The following CBL variants were observed in gnomAD, a reference collection of about 807,000 sequenced individuals.
CBL encodes the protein E3 ubiquitin-protein ligase CBL.
In CBL, 45 loss-of-function variants were observed where a neutral mutation model predicts 96.9. The observed-to-expected ratio is 0.46, with a 90% confidence interval of 0.37 to 0.60. CBL has a LOEUF of 0.60. Among genes scored for constraint, CBL ranks in the 20% least tolerant of loss-of-function variants. CBL has a pLI of 0.00. For synonymous variants in CBL, 420 were observed against 426.8 expected, an observed-to-expected ratio of 0.98 and a Z score of 0.20; for missense variants, 1,024 against 1,143.5, an observed-to-expected ratio of 0.90 and a Z score of 1.51.
At position 119,306,150 on chromosome 11, in the gene CBL, C is replaced by T. The variant is rs561269742; in HGVS notation, c.*6369C>T. ...ATGGGGAGAGCAAGCCCCGCATGTC[C>T]ATGGCGAGTCAGGTGGGGAGCACGG... On this transcript the variant is annotated 3_prime_UTR_variant, in exon 16 of 16. Coordinates refer to ENST00000264033, the MANE Select transcript of CBL (RefSeq NM_005188.4). 36 of 397,546 alleles carry T rather than the reference C, an allele frequency of 9.1e-5. No homozygotes were observed. The highest frequency in any genetic ancestry group is 7.0e-4 in the African/African-American group (34 of 48,762). 24.6% of individuals were successfully genotyped at this position (397,546 alleles called of 1,614,324 possible). A position where few individuals can be genotyped will look rare whatever the true frequency, so the allele number is the denominator to read the frequency against.
intron 1 of CBL, among the ~76,000 whole-genome samples, chr11:119,211,363 ACT>A (rs1205921494): frequency 2.0e-5 from 3 of 151,632 alleles, no homozygotes; most frequent in Non-Finnish European, 4.4e-5. Context: ...CAAGAGTGAA[ACT>A]CTGTTTCAAA....
At chr11:119,209,411 A>G (rs1949299625) in intron 1 of CBL, among the ~76,000 whole-genome samples, 3 of 152,128 alleles carry the variant, frequency 2.0e-5, no homozygotes, top group Non-Finnish European at 4.4e-5. Context: ...TGAGGTCAGG[A>G]GCTCCAGACC....
At chr11:119,210,089 T>G (rs1464386913) in intron 1 of CBL, among the ~76,000 whole-genome samples, 3 of 152,060 alleles carry the variant, frequency 2.0e-5, no homozygotes, top group Non-Finnish European at 4.4e-5. Context: ...TCACCTAAAT[T>G]GGCCTTAAAT....
At position 119,302,719 on chromosome 11, in the gene CBL, G is replaced by C. The variant is rs964366912; in HGVS notation, c.*2938G>C. 1 of 231,080 alleles carries C rather than the reference G, an allele frequency of 4.3e-6. No homozygotes were observed. Among genetic ancestry groups the C allele is most frequent in the South Asian group, 1.8e-4 (1 of 5,502 alleles). 14.3% of individuals were successfully genotyped at this position (231,080 alleles called of 1,614,324 possible). ...CATGTTCCTTCCACTAAAGTAGAGGGTTCTTAAAATGGAAAAACCTGTGGG... is the reference window on the plus strand; with the variant it reads ...CATGTTCCTTCCACTAAAGTAGAGGCTTCTTAAAATGGAAAAACCTGTGGG... On this transcript the variant is annotated 3_prime_UTR_variant, in exon 16 of 16. Transcript: ENST00000264033.
At chr11:119,266,484 T>C (rs1949804081) in intron 2 of CBL, among the ~76,000 whole-genome samples, 1 of 152,200 alleles carries the variant, frequency 6.6e-6, no homozygotes, top group Non-Finnish European at 1.5e-5. Context: ...TGTGTATTGG[T>C]GATATGTAAA....
Position 119,301,783 on chromosome 11 carries a change from A to C in CBL, c.*2002A>C. 1 of 233,298 alleles carries C rather than the reference A, an allele frequency of 4.3e-6. No individual in the cohort carries two copies. Among genetic ancestry groups the C allele is most frequent in the Non-Finnish European group, 8.5e-6 (1 of 118,054 alleles). The allele number at this position is 233,298 out of a possible 1,614,324, so 14.5% of individuals were successfully genotyped here. ...AGTGGGGCAGAGGAAGATGGCAGTG[A>C]ATATCAAACAGTAGACCGCCATCAA... is the stretch of plus-strand genomic sequence containing the variant. On this transcript the variant is annotated 3_prime_UTR_variant, in exon 16 of 16. Coordinates refer to ENST00000264033, the MANE Select transcript of CBL (RefSeq NM_005188.4).
At chr11:119,288,307 A>G (rs1170035927) in intron 12 of CBL, among the ~76,000 whole-genome samples, 1 of 152,032 alleles carries the variant, frequency 6.6e-6, no homozygotes, top group African/African-American at 2.4e-5. Flanking sequence ...TCAGGCTGCC[A>G]TGACAAAATA....
intron 2 of CBL, among the ~76,000 whole-genome samples, chr11:119,235,265 A>G (rs903469211): frequency 5.3e-5 from 8 of 152,022 alleles, no homozygotes; most frequent in African/African-American, 1.2e-4. Context: ...AGGTGTGTGC[A>G]TCATGCTGGG....
intron 2 of CBL, among the ~76,000 whole-genome samples, chr11:119,265,784 A>G (rs1472342301): frequency 6.6e-6 from 1 of 152,178 alleles, no homozygotes; most frequent in Non-Finnish European, 1.5e-5. Flanking sequence ...ACACTTTGGG[A>G]GGTCCAGGCG....
At chr11:119,216,317 C>T (rs1030532284) in intron 1 of CBL, among the ~76,000 whole-genome samples, 8 of 151,964 alleles carry the variant, frequency 5.3e-5, no homozygotes, top group African/African-American at 1.9e-4. Flanking sequence ...CTCCTGCCCT[C>T]CTCCTCTCTT....
intron 2 of CBL, among the ~76,000 whole-genome samples, chr11:119,242,257 C>CTGAA (rs1308641053): frequency 6.6e-6 from 1 of 151,980 alleles, no homozygotes; most frequent in Non-Finnish European, 1.5e-5. Context: ...TAAGACCAGC[C>CTGAA]TGAAACTGGG....
chr11:119,257,851 G>C (rs1309474004), intron 2 of CBL, among the ~76,000 whole-genome samples: 1 of 152,148 alleles, frequency 6.6e-6, no homozygotes, highest in Non-Finnish European at 1.5e-5. Flanking sequence ...TCAAAGATCA[G>C]TTGGTTTTAA....
intron 12 of CBL, chr11:119,289,595 A>G (rs1477229878): frequency 1.3e-5 from 2 of 148,522 alleles, no homozygotes; most frequent in African/African-American, 2.5e-5. Context: ...TTTGTGTGTC[A>G]TCCTTGCATA....
At chr11:119,218,341 T>A (rs962870995) in intron 1 of CBL, among the ~76,000 whole-genome samples, 1 of 152,166 alleles carries the variant, frequency 6.6e-6, no homozygotes, top group Middle Eastern at 3.2e-3. Context: ...GGAGGAACTT[T>A]AGACCAGTCA....
intron 12 of CBL, among the ~76,000 whole-genome samples, chr11:119,293,165 T>C (rs1037781647): frequency 2.0e-5 from 3 of 151,848 alleles, no homozygotes; most frequent in African/African-American, 7.3e-5. Flanking sequence ...AGTGCAGTGG[T>C]GCAGTCTCGG....
At chr11:119,224,970 C>G (rs749934706) in intron 1 of CBL, among the ~76,000 whole-genome samples, 1 of 151,812 alleles carries the variant, frequency 6.6e-6, no homozygotes, top group Admixed American at 6.6e-5. Flanking sequence ...CTTTCAAACC[C>G]ATGTTGTTGA....
At chr11:119,217,125 C>CT (rs544698603) in intron 1 of CBL, among the ~76,000 whole-genome samples, 7 of 152,094 alleles carry the variant, frequency 4.6e-5, no homozygotes, top group Non-Finnish European at 5.9e-5. Flanking sequence ...TAGCTCGTAT[C>CT]TTTTTTTCTG....
chr11:119,216,077 A>T (rs1410866461), intron 1 of CBL, among the ~76,000 whole-genome samples: 1 of 152,166 alleles, frequency 6.6e-6, no homozygotes, highest in African/African-American at 2.4e-5. Context: ...TGATGCCACT[A>T]TCATAGATGG....
At chr11:119,264,467 CT>C (rs1261689838) in intron 2 of CBL, among the ~76,000 whole-genome samples, 9 of 135,790 alleles carry the variant, frequency 6.6e-5, no homozygotes, top group Admixed American at 1.5e-4. Flanking sequence ...CTTCTCTTTT[CT>C]TCTTTTCTCT....
Sources: allele counts gnomAD v4.1 joint callset (sites outside exome capture counted in the v4.1 genomes callset), GRCh38; gene constraint gnomAD v4.1.1; transcripts MANE v1.5; gene names NCBI Gene and HGNC (gene_info 2026-07-23, HGNC 2026-07-21).